The following KIAA1217 variants were observed in gnomAD, a reference collection of about 807,000 sequenced individuals.
The protein encoded by KIAA1217 is KIAA1217.
Under a neutral mutation model 163.9 loss-of-function variants are expected in KIAA1217, and 88 were observed. The ratio of observed to expected loss-of-function variants is 0.54; its 90% confidence interval spans 0.45 to 0.64. The LOEUF is 0.64. Among genes scored for constraint, KIAA1217 ranks in the 30% least tolerant of loss-of-function variants. The pLI, the probability that KIAA1217 is intolerant of heterozygous loss-of-function variation, is 0.00. For synonymous variants in KIAA1217, 903 were observed against 923.1 expected (o/e 0.98, Z 0.39); for missense variants, 2,372 against 2,475.0 (o/e 0.96, Z 0.88).
chr10:24,243,191 A>G (rs2073319598), intron 2 of KIAA1217, among the ~76,000 whole-genome samples: 1 of 152,186 alleles, frequency 6.6e-6, no homozygotes, highest in Non-Finnish European at 1.5e-5. Flanking sequence ...TAGGGTAGAA[A>G]AGAGTTTTGA....
Position 24,349,152 on chromosome 10 carries a change from A to AC in KIAA1217, c.355-31717_355-31716insC, listed in dbSNP as rs201579566. On this transcript the variant is annotated intron_variant, in intron 2 of 20. Transcript: ENST00000376454. The stretch of plus-strand genomic sequence containing the variant: ...TGTCTCAAAAAAAAAAAAAAAAAAA[A>AC]AGAGAGATTGAGATCTGAGATCTCA... Among the ~76,000 whole-genome samples, 634 of 145,216 alleles carry AC rather than the reference A, an allele frequency of 4.4e-3. 6 individuals carry two copies. Among genetic ancestry groups the AC allele is most frequent in the African/African-American group, 0.015 (602 of 39,550 alleles).
chr10:24,350,481 G>C (rs191429459), intron 2 of KIAA1217, among the ~76,000 whole-genome samples: 1 of 151,902 alleles, frequency 6.6e-6, no homozygotes, highest in Non-Finnish European at 1.5e-5. Flanking sequence ...TTTTGCCTGG[G>C]TGCATTTTGA....
At position 24,543,411 on chromosome 10, in the gene KIAA1217, G is replaced by A. The variant is rs906435934; in HGVS notation, c.4141G>A (p.Asp1381Asn). The A allele has an allele frequency of 6.2e-7, 1 of 1,614,154 alleles. No individual in the cohort carries two copies. The highest frequency in any genetic ancestry group is 8.5e-7 in the Non-Finnish European group (1 of 1,180,032). Reference protein sequence around the residue: ...SSPTEENAATDNIAFMITETT... With the variant: ...SSPTEENAATNNIAFMITETT... Reference sequence around the variant, plus strand: ...TCCCACTGAAGAAAATGCAGCCACTGACAATATTGCCTTCATGATTACCGA... The same window carrying A: ...TCCCACTGAAGAAAATGCAGCCACTAACAATATTGCCTTCATGATTACCGA... Residue 1381 changes from aspartate to asparagine, a missense_variant, in exon 19 of 21, where the codon GAC becomes AAC. Coordinates refer to ENST00000376454, the MANE Select transcript of KIAA1217 (RefSeq NM_019590.5).
intron 2 of KIAA1217, among the ~76,000 whole-genome samples, chr10:24,329,474 T>C (rs952293146): frequency 2.0e-5 from 3 of 152,092 alleles, no homozygotes; most frequent in African/African-American, 4.8e-5. Context: ...AAATAAATTG[T>C]CTTCAAATAT....
At chr10:23,882,537 C>T (rs1459563579) in intron 1 of KIAA1217, among the ~76,000 whole-genome samples, 2 of 151,820 alleles carry the variant, frequency 1.3e-5, no homozygotes, top group African/African-American at 4.8e-5. Flanking sequence ...TGAAATAGCA[C>T]CTGGGAATAA....
chr10:23,777,604 C>T (rs1835061061), intron 1 of KIAA1217, among the ~76,000 whole-genome samples: 1 of 152,130 alleles, frequency 6.6e-6, no homozygotes, highest in African/African-American at 2.4e-5. Context: ...ATCACATTCC[C>T]TTACAGCTGA....
At chr10:23,862,599 A>T (rs1261827769) in intron 1 of KIAA1217, among the ~76,000 whole-genome samples, 1 of 152,154 alleles carries the variant, frequency 6.6e-6, no homozygotes, top group Non-Finnish European at 1.5e-5. Flanking sequence ...ATCCAAACAG[A>T]TTGAAAACAG....
intron 4 of KIAA1217, among the ~76,000 whole-genome samples, chr10:24,434,347 C>CT (rs2059854899): frequency 6.6e-6 from 1 of 151,982 alleles, no homozygotes; most frequent in African/African-American, 2.4e-5. Flanking sequence ...CCTCATCTCT[C>CT]TTTTTTTGAA....
chr10:24,364,428 A>G (rs2050477244), intron 2 of KIAA1217, among the ~76,000 whole-genome samples: 1 of 152,214 alleles, frequency 6.6e-6, no homozygotes, highest in South Asian at 2.1e-4. Flanking sequence ...GTTGGGCTCA[A>G]AACTTTCCAC....
intron 1 of KIAA1217, among the ~76,000 whole-genome samples, chr10:23,798,208 G>A (rs1197652404): frequency 6.6e-6 from 1 of 152,186 alleles, no homozygotes; most frequent in African/African-American, 2.4e-5. Flanking sequence ...TTCTATGGGT[G>A]AGATTGTCAT....
chr10:24,350,930 A>C (rs2048379277), intron 2 of KIAA1217, among the ~76,000 whole-genome samples: 1 of 151,892 alleles, frequency 6.6e-6, no homozygotes, highest in Non-Finnish European at 1.5e-5. Flanking sequence ...TTTTTTGGAA[A>C]AGTGATTATG....
chr10:24,404,613 G>C lies in KIAA1217; in HGVS notation c.553+23546G>C, dbSNP rs138816973. 1.7e-3 allele frequency among the ~76,000 whole-genome samples: 261 copies of C among 149,152 alleles called. 9 individuals are homozygous for C. The East Asian group carries it at 0.041, about 24-fold the overall frequency. ...AAAAAACTGAAAATGGACTTGCCAT[G>C]GGACCCAGCAACTGCAGTCTTTTGC... On this transcript the variant is annotated intron_variant, in intron 3 of 20. Transcript: ENST00000376454.
In KIAA1217 at chr10:24,001,688, G is replaced by C. The variant is rs534734632; in HGVS notation, c.-320-5537G>C. On this transcript the variant is annotated intron_variant, in intron 1 of 18. Transcript: ENST00000376462. Reference sequence around the variant, plus strand: ...TTGAATAGGAAGATTCAAAAGAATAGTATGAAGGCGGTGTTTGCACCAGAG... The same window carrying C: ...TTGAATAGGAAGATTCAAAAGAATACTATGAAGGCGGTGTTTGCACCAGAG... Among the ~76,000 whole-genome samples, 6 of 152,306 alleles carry C rather than the reference G, an allele frequency of 3.9e-5. No individual in the cohort carries two copies. The South Asian group carries it at 1.2e-3, about 32-fold the overall frequency.
At chr10:24,008,277 C>T (rs1847092613) in intron 2 of KIAA1217, among the ~76,000 whole-genome samples, 1 of 152,068 alleles carries the variant, frequency 6.6e-6, no homozygotes, top group Admixed American at 6.6e-5. Context: ...TAAATCAGCA[C>T]TCAGCCACAT....
intron 1 of KIAA1217, among the ~76,000 whole-genome samples, chr10:23,811,585 T>C (rs1304281329): frequency 2.0e-5 from 3 of 151,942 alleles, no homozygotes; most frequent in African/African-American, 4.8e-5. Flanking sequence ...TAATCCTTAC[T>C]GCAATGTGAG....
chr10:24,503,333 A>G (rs547619673), intron 9 of KIAA1217, among the ~76,000 whole-genome samples: 2 of 152,336 alleles, frequency 1.3e-5, no homozygotes, highest in South Asian at 4.1e-4. Flanking sequence ...ATGCAAATTC[A>G]TTTAAATCTC....
At chr10:23,797,766 C>G (rs776272443) in intron 1 of KIAA1217, among the ~76,000 whole-genome samples, 1 of 152,154 alleles carries the variant, frequency 6.6e-6, no homozygotes, top group Non-Finnish European at 1.5e-5. Context: ...CCCACCAGGT[C>G]CCTCCCCCAA....
At chr10:24,409,728 T>G (rs2057566175) in intron 3 of KIAA1217, among the ~76,000 whole-genome samples, 1 of 152,056 alleles carries the variant, frequency 6.6e-6, no homozygotes, top group Non-Finnish European at 1.5e-5. Context: ...TTTGCAGTCT[T>G]TTATTCCCTC....
chr10:24,169,258 G>A (rs1490198814), intron 2 of KIAA1217, among the ~76,000 whole-genome samples: 2 of 152,130 alleles, frequency 1.3e-5, no homozygotes, highest in African/African-American at 2.4e-5. Context: ...ATCACACTTG[G>A]CATAAAAGTT....
Sources: allele counts gnomAD v4.1 joint callset (sites outside exome capture counted in the v4.1 genomes callset), GRCh38; gene constraint gnomAD v4.1.1; transcripts MANE v1.5; gene names NCBI Gene and HGNC (gene_info 2026-07-23, HGNC 2026-07-21).